The following FAM167A variants were observed in gnomAD, a reference collection of about 807,000 sequenced individuals.
FAM167A encodes family with sequence similarity 167 member A, also known as protein FAM167A.
In FAM167A, 23 loss-of-function variants were observed where a neutral mutation model predicts 14.9. The ratio of observed to expected loss-of-function variants is 1.55; its 90% confidence interval spans 1.11 to 2.19. FAM167A has a LOEUF of 2.19. Among genes scored for constraint, FAM167A ranks in the 30% most tolerant of loss-of-function variants. The pLI is 0.00. For missense variants in FAM167A, 401 were observed against 281.5 expected (o/e 1.42, Z -3.04); for synonymous variants, 174 against 117.7 (o/e 1.48, Z -3.10).
chr8:11,446,259 C>G (rs1005722190), intron 1 of FAM167A: 1 of 152,210 alleles, frequency 6.6e-6, no homozygotes, highest in Non-Finnish European at 1.5e-5. Context: ...TCAGCCCCAG[C>G]CTGTGGTGGG....
At chr8:11,475,449 G>C (rs1161087601) in intron 1 of FAM167A, among the ~76,000 whole-genome samples, 2 of 152,050 alleles carry the variant, frequency 1.3e-5, no homozygotes, top group African/African-American at 4.8e-5. Flanking sequence ...ATGTTCAGCT[G>C]CGCAAGTCAC....
chr8:11,430,458 A>C (rs1425708125), intron 2 of FAM167A, among the ~76,000 whole-genome samples: 1 of 152,220 alleles, frequency 6.6e-6, no homozygotes, highest in African/African-American at 2.4e-5. Flanking sequence ...GAAGTGTTGA[A>C]ATGTTCTAAA....
rs1334392072 is a variant in FAM167A, at chr8:11,424,561, T to C, written c.457A>G (p.Ile153Val). Residue 153 changes from isoleucine (I) to valine (V), a missense_variant, in exon 3 of 3, where the codon ATC becomes GTC. Transcript: ENST00000284486. Reference sequence around the variant, plus strand: ...CTGTGGAGGCGGCAGGTGTGTTCGATTTTCAGCTTGTTGATGTCGCCACGC... The same window carrying C: ...CTGTGGAGGCGGCAGGTGTGTTCGACTTTCAGCTTGTTGATGTCGCCACGC... ...RLRGDINKLK[I>V]EHTCRLHRRM... The C allele has an allele frequency of 6.2e-7, 1 of 1,613,922 alleles. No homozygotes were observed. The highest frequency in any genetic ancestry group is 1.3e-5 in the African/African-American group (1 of 74,914).
At chr8:11,464,093 A>T (rs960786576) in intron 1 of FAM167A, among the ~76,000 whole-genome samples, 1 of 152,044 alleles carries the variant, frequency 6.6e-6, no homozygotes, top group Non-Finnish European at 1.5e-5. Context: ...GATGGATGAG[A>T]TTTGATGCTG....
chr8:11,426,118 C>G (rs1055196180), intron 2 of FAM167A, among the ~76,000 whole-genome samples: 1 of 152,222 alleles, frequency 6.6e-6, no homozygotes, highest in African/African-American at 2.4e-5. Flanking sequence ...TTTCTTTCTA[C>G]TGACTTCAAG....
chr8:11,430,127 A>G (rs1015278791), intron 2 of FAM167A, among the ~76,000 whole-genome samples: 3 of 152,338 alleles, frequency 2.0e-5, no homozygotes, highest in Non-Finnish European at 4.4e-5. Context: ...GGATGTGCCA[A>G]TTTCCAGTCC....
At chr8:11,438,913 G>A (rs1332263570) in intron 2 of FAM167A, among the ~76,000 whole-genome samples, 3 of 152,232 alleles carry the variant, frequency 2.0e-5, no homozygotes, top group Non-Finnish European at 4.4e-5. Flanking sequence ...TCCTGAAACA[G>A]TACAGCTGCC....
At chr8:11,462,542 C>A (rs2117150483) in intron 1 of FAM167A, among the ~76,000 whole-genome samples, 1 of 152,254 alleles carries the variant, frequency 6.6e-6, no homozygotes, top group East Asian at 1.9e-4. Flanking sequence ...CTGAAGCGTG[C>A]AGAACAGCAT....
intron 2 of FAM167A, among the ~76,000 whole-genome samples, chr8:11,441,025 C>G (rs537230210): frequency 6.6e-6 from 1 of 152,344 alleles, no homozygotes; most frequent in African/African-American, 2.4e-5. Context: ...AAGTTGCTTT[C>G]TAATCCCAGC....
chr8:11,430,459 A>C (rs530944339), intron 2 of FAM167A, among the ~76,000 whole-genome samples: 17 of 152,326 alleles, frequency 1.1e-4, no homozygotes, highest in East Asian at 5.8e-4. Flanking sequence ...AAGTGTTGAA[A>C]TGTTCTAAAA....
At chr8:11,427,085 G>A (rs935648563) in intron 2 of FAM167A, among the ~76,000 whole-genome samples, 1 of 152,204 alleles carries the variant, frequency 6.6e-6, no homozygotes, top group African/African-American at 2.4e-5. Flanking sequence ...TGTCTTTGCA[G>A]CTATCTTATC....
In FAM167A at chr8:11,444,277, G is replaced by A. The variant is rs765394039; in HGVS notation, c.135C>T (p.Ser45=). The change falls in exon 2 of 3, where the codon TCC becomes TCT. Residue 45 remains serine (S), a synonymous_variant. Transcript: ENST00000284486. ...EKLRLETRRP[S]YLEWQARLEE... is the part of the protein sequence containing the mutation. ...CCAGCCTGGCCTGCCATTCCAGGTA[G>A]GAGGGCCTGCGGGTCTCCAGCCTCA... 3 of 1,611,518 alleles carry A rather than the reference G, an allele frequency of 1.9e-6. No homozygotes were observed. Among genetic ancestry groups the A allele is most frequent in the Non-Finnish European group, 2.5e-6 (3 of 1,179,552 alleles).
Position 11,444,376 on chromosome 8 carries a change from AC to A in FAM167A, c.35del (p.Gly12ValfsTer19), listed in dbSNP as rs1194859505. 1 of 1,572,098 alleles carries A rather than the reference AC, an allele frequency of 6.4e-7. No homozygotes were observed. Among genetic ancestry groups the A allele is most frequent in the Non-Finnish European group, 8.6e-7 (1 of 1,159,184 alleles). ...SVPQIHVEEV[G>X]AEEGAGAAAP... ...CGGCTGCTCCCGCCCCCTCTTCTGC[AC>A]CCACTTCTTCCACGTGGATCTGGGG... On this transcript the variant is annotated frameshift_variant, in exon 2 of 3. Coordinates refer to ENST00000284486, the MANE Select transcript of FAM167A (RefSeq NM_053279.3). LOFTEE classifies it high-confidence loss of function.
At chr8:11,457,350 G>A (rs1036345562) in intron 1 of FAM167A, among the ~76,000 whole-genome samples, 6 of 151,856 alleles carry the variant, frequency 4.0e-5, no homozygotes, top group Non-Finnish European at 7.4e-5. Context: ...AGTCTCTTCT[G>A]AAGGACATTG....
intron 2 of FAM167A, among the ~76,000 whole-genome samples, chr8:11,427,953 C>T (rs542441344): frequency 5.9e-5 from 9 of 152,312 alleles, no homozygotes; most frequent in Admixed American, 6.5e-5. Context: ...GAGCCTGGAA[C>T]GGAGCTAGGT....
At chr8:11,471,552 T>C (rs1221485464), upstream of FAM167A, among the ~76,000 whole-genome samples, 1 of 152,152 alleles carries the variant, frequency 6.6e-6, no homozygotes, top group East Asian at 1.9e-4. Context: ...GCTCCTCTGG[T>C]GATTAGTATG....
At chr8:11,459,424 G>A (rs1807450682) in intron 1 of FAM167A, among the ~76,000 whole-genome samples, 1 of 152,218 alleles carries the variant, frequency 6.6e-6, no homozygotes, top group Non-Finnish European at 1.5e-5. Context: ...AACCTCAGGG[G>A]CAAATAACAC....
At chr8:11,438,138 T>C in intron 2 of FAM167A, 1 of 456,578 alleles carries the variant, frequency 2.2e-6, no homozygotes, top group South Asian at 1.5e-5. Flanking sequence ...TAGTGCTGAA[T>C]GGACATGGGG....
At chr8:11,458,270 C>G (rs761803288) in intron 1 of FAM167A, among the ~76,000 whole-genome samples, 1 of 152,192 alleles carries the variant, frequency 6.6e-6, no homozygotes, top group South Asian at 2.1e-4. Context: ...GCACCTCACT[C>G]GACAGTCTTT....
Sources: gnomAD v4.1 joint callset for allele counts (sites outside exome capture counted in the v4.1 genomes callset) on GRCh38, gnomAD v4.1.1 for gene constraint, MANE v1.5 for transcripts, NCBI Gene and HGNC (gene_info 2026-07-23, HGNC 2026-07-21) for gene names.